Variants in PDXDC1 observed in about 807,000 individuals in gnomAD.
PDXDC1 encodes pyridoxal-dependent decarboxylase domain-containing protein 1.
In PDXDC1, 42 loss-of-function variants were observed where a neutral mutation model predicts 100.1. The ratio of observed to expected loss-of-function variants is 0.42; its 90% CI spans 0.33 to 0.54. The LOEUF is 0.54. Among genes scored for constraint, PDXDC1 ranks in the 20% least tolerant of loss-of-function variants. PDXDC1 has a pLI of 0.10. For synonymous variants in PDXDC1, 260 were observed against 371.7 expected (o/e 0.70, Z 3.46); for missense variants, 636 against 979.2 (o/e 0.65, Z 4.68).
chr16:15,136,370 C>T (rs9939238), intron 16 of PDXDC1, among the ~76,000 whole-genome samples: 7,709 of 152,178 alleles, frequency 0.051, 350 homozygotes, highest in African/African-American at 0.12. Context: ...CAGGAGTGTC[C>T]GGAGGCTGCC....
chr16:14,984,948 CA>C (rs1968986378), intron 1 of PDXDC1, among the ~76,000 whole-genome samples: 1 of 152,050 alleles, frequency 6.6e-6, no homozygotes, highest in Admixed American at 6.6e-5. Context: ...ATTCTTGGCT[CA>C]CTGCAACCTC....
chr16:15,074,188 A>G (rs1233862263), intron 16 of PDXDC1, among the ~76,000 whole-genome samples: 1 of 152,246 alleles, frequency 6.6e-6, no homozygotes, highest in Non-Finnish European at 1.5e-5. Flanking sequence ...CCGTTAAAAC[A>G]GTAATGCAGT....
At chr16:15,132,461 A>G (rs1156930994) in intron 16 of PDXDC1, among the ~76,000 whole-genome samples, 1 of 146,966 alleles carries the variant, frequency 6.8e-6, no homozygotes, top group Non-Finnish European at 1.5e-5. Context: ...TGGAAGGCAC[A>G]GAACAGCATC....
chr16:15,017,295 A>G, intron 10 of PDXDC1, 26 bp from the exon 11 acceptor site: 1 of 1,595,740 alleles, frequency 6.3e-7, no homozygotes, highest in South Asian at 1.1e-5. Context: ...TGATAATCTA[A>G]CAAAGAGTTG....
Position 15,036,116 on chromosome 16 carries a change from C to T in PDXDC1, c.2208C>T (p.Ser736=), listed in dbSNP as rs983022002. 2.5e-6 allele frequency: 4 copies of T among 1,614,126 alleles called. No homozygotes were observed. The highest frequency in any genetic ancestry group is 1.3e-5 in the African/African-American group (1 of 75,038). ...IEDLEKVERL[S]SGPEQITLEA... is the part of the protein sequence containing the mutation. The stretch of plus-strand genomic sequence containing the variant: ...ACTTAGAAAAGGTGGAGCGCCTATC[C>T]AGTGGGCCGGAGCAGATCACCCTCG... Residue 736 remains serine, a synonymous_variant, in exon 23 of 23, where the codon TCC becomes TCT. Coordinates refer to ENST00000396410, the MANE Select transcript of PDXDC1 (RefSeq NM_015027.4).
At chr16:15,089,575 C>T (rs1466208580) in intron 16 of PDXDC1, among the ~76,000 whole-genome samples, 3 of 151,902 alleles carry the variant, frequency 2.0e-5, no homozygotes, top group East Asian at 1.9e-4. Flanking sequence ...CCAAGGCGGG[C>T]GGATCACGAG....
At chr16:15,001,692 G>A (rs1220625080) in intron 3 of PDXDC1, 84 bp from the exon 4 acceptor site, 11 of 1,209,250 alleles carry the variant, frequency 9.1e-6, no homozygotes, top group Non-Finnish European at 9.2e-6. Context: ...TTGAAGCAAC[G>A]CTAGTTGAAT....
intron 12 of PDXDC1, among the ~76,000 whole-genome samples, chr16:15,021,011 C>CAT (rs1555562306): frequency 3.4e-5 from 5 of 145,758 alleles, no homozygotes; most frequent in Non-Finnish European, 7.7e-5. Context: ...CACACACACA[C>CAT]GAAAAGTATT....
chr16:14,987,027 T>G (rs1028451693), intron 1 of PDXDC1, among the ~76,000 whole-genome samples: 29 of 152,278 alleles, frequency 1.9e-4, no homozygotes, highest in African/African-American at 6.0e-4. Context: ...GTTTTACAGG[T>G]GTGAGCCACC....
At position 15,022,025 on chromosome 16, in the gene PDXDC1, C is replaced by A. The variant is rs569507475; in HGVS notation, c.1090-679C>A. On this transcript the variant is annotated intron_variant, in intron 12 of 22. Coordinates refer to ENST00000396410, the MANE Select transcript of PDXDC1 (RefSeq NM_015027.4). The stretch of plus-strand genomic sequence containing the variant: ...AAACAAAAAGGAATTTCTTGAGGGG[C>A]TTTCTACTGTCCAGTACTCAGTGAA... Among the ~76,000 whole-genome samples the A allele has an allele frequency of 2.1e-4, 32 of 152,418 alleles. No individual in the cohort carries two copies. The South Asian group carries it at 6.4e-3, about 31-fold the overall frequency.
At chr16:15,049,044 C>A (rs895268611) in intron 16 of PDXDC1, among the ~76,000 whole-genome samples, 1 of 147,738 alleles carries the variant, frequency 6.8e-6, no homozygotes, top group Non-Finnish European at 1.5e-5. Flanking sequence ...CAGGCACACA[C>A]CGCCACACCT....
chr16:15,026,578 C>T, intron 13 of PDXDC1, 65 bp from the exon 14 acceptor site: 1 of 1,352,256 alleles, frequency 7.4e-7, no homozygotes. Context: ...TTGAACTCAG[C>T]ATTTCATTTT....
At chr16:15,086,157 G>C in intron 16 of PDXDC1, 1 of 1,606,534 alleles carries the variant, frequency 6.2e-7, no homozygotes, top group Non-Finnish European at 8.5e-7. Context: ...CAATCATGCT[G>C]AGACACGGTC....
downstream of PDXDC1, chr16:15,039,827 A>G (rs1035135384): frequency 3.1e-6 from 2 of 636,178 alleles, no homozygotes; most frequent in South Asian, 3.8e-5. Flanking sequence ...GGGGAGGGGT[A>G]TATGTATGTG....
intron 1 of PDXDC1, among the ~76,000 whole-genome samples, chr16:14,985,281 C>CTTTT (rs769346480): frequency 8.7e-4 from 100 of 114,492 alleles, no homozygotes; most frequent in South Asian, 1.2e-3. Context: ...TGATAAACAA[C>CTTTT]TTTTTTTTTT....
intron 8 of PDXDC1, among the ~76,000 whole-genome samples, chr16:15,015,567 A>C (rs2041724605): frequency 6.6e-6 from 1 of 152,236 alleles, no homozygotes. Flanking sequence ...ATACAAAAAA[A>C]TTAGCCGGGC....
At chr16:15,109,387 G>A (rs1279414227) in intron 16 of PDXDC1, among the ~76,000 whole-genome samples, 1 of 145,656 alleles carries the variant, frequency 6.9e-6, no homozygotes, top group African/African-American at 2.5e-5. Context: ...GGCTGGGCAC[G>A]GTGGCTCACG....
At chr16:14,994,214 C>T (rs1449795623) in intron 1 of PDXDC1, among the ~76,000 whole-genome samples, 2 of 152,378 alleles carry the variant, frequency 1.3e-5, no homozygotes, top group African/African-American at 4.8e-5. Context: ...AGTCCTTGCC[C>T]ATGCCTGTGT....
chr16:15,149,724 C>T, the PDXDC1 span, among the ~76,000 whole-genome samples: 1 of 152,116 alleles, frequency 6.6e-6, no homozygotes, highest in Non-Finnish European at 1.5e-5. Context: ...GTCCTGGACC[C>T]CAGCATTTGC....
Sources: allele counts gnomAD v4.1 joint callset (sites outside exome capture counted in the v4.1 genomes callset), GRCh38; gene constraint gnomAD v4.1.1; transcripts MANE v1.5; gene names NCBI Gene and HGNC (gene_info 2026-07-23, HGNC 2026-07-21).